The following ATXN1 variants were observed in gnomAD, a reference collection of about 807,000 sequenced individuals.
The protein encoded by ATXN1 is ataxin 1, also known as ataxin-1.
ATXN1 carries 8 observed loss-of-function variants against 56.4 expected under a neutral mutation model. That is an observed-to-expected ratio of 0.14 (90% confidence interval 0.08 to 0.26). ATXN1 has a LOEUF of 0.26. Ranked by LOEUF, ATXN1 falls within the 10% of genes least tolerant of loss-of-function variation. The pLI is 1.00. For missense variants in ATXN1, 987 were observed against 1,106.5 expected (o/e 0.89, Z 1.53); for synonymous variants, 514 against 494.6 (o/e 1.04, Z -0.52).
chr6:16,449,334 T>C (rs897154656), intron 6 of ATXN1, among the ~76,000 whole-genome samples: 12 of 152,126 alleles, frequency 7.9e-5, no homozygotes, highest in African/African-American at 2.9e-4. Flanking sequence ...TGTAATAAAA[T>C]TAAATTATTG....
intron 6 of ATXN1, among the ~76,000 whole-genome samples, chr6:16,331,320 T>C (rs1160282629): frequency 2.0e-5 from 3 of 152,204 alleles, no homozygotes; most frequent in Admixed American, 2.0e-4. Context: ...TTTTTGTAAG[T>C]GACAAATAAC....
At chr6:16,350,486 T>C (rs1395603501) in intron 6 of ATXN1, among the ~76,000 whole-genome samples, 1 of 152,266 alleles carries the variant, frequency 6.6e-6, no homozygotes, top group African/African-American at 2.4e-5. Flanking sequence ...TCTCCAAGCA[T>C]AGGCCAGAGC....
At chr6:16,634,444 A>G (rs113692259) in intron 3 of ATXN1, among the ~76,000 whole-genome samples, 1 of 146,902 alleles carries the variant, frequency 6.8e-6, no homozygotes, top group African/African-American at 2.6e-5. Flanking sequence ...TTAAGATTTA[A>G]TTTACATATA....
At chr6:16,325,166 G>A (rs182076167) in intron 7 of ATXN1, among the ~76,000 whole-genome samples, 2 of 150,980 alleles carry the variant, frequency 1.3e-5, no homozygotes, top group African/African-American at 4.9e-5. Context: ...GTCCAAGGCT[G>A]GAGTGCAGTG....
chr6:16,388,904 A>G (rs554647298), intron 6 of ATXN1, among the ~76,000 whole-genome samples: 50 of 152,340 alleles, frequency 3.3e-4, no homozygotes, highest in African/African-American at 1.2e-3. Context: ...ATATATAATT[A>G]TCATTATTTA....
intron 6 of ATXN1, among the ~76,000 whole-genome samples, chr6:16,425,166 A>G (rs1759123942): frequency 6.6e-6 from 1 of 152,234 alleles, no homozygotes; most frequent in African/African-American, 2.4e-5. Context: ...AGATTCTGTG[A>G]AACAGAGCAC....
intron 4 of ATXN1, among the ~76,000 whole-genome samples, chr6:16,543,902 G>A (rs1282771206): frequency 6.6e-6 from 1 of 152,044 alleles, no homozygotes; most frequent in Non-Finnish European, 1.5e-5. Flanking sequence ...TTGTCACTTC[G>A]AACCTAAAGA....
chr6:16,634,715 T>C (rs1263151696), intron 3 of ATXN1, among the ~76,000 whole-genome samples: 1 of 152,218 alleles, frequency 6.6e-6, no homozygotes, highest in African/African-American at 2.4e-5. Context: ...GGTTCATCTA[T>C]GTTGTAGCAT....
intron 5 of ATXN1, among the ~76,000 whole-genome samples, chr6:16,504,763 CAT>C (rs962308020): frequency 6.6e-6 from 1 of 152,162 alleles, no homozygotes; most frequent in African/African-American, 2.4e-5. Context: ...AGACTCCCCT[CAT>C]GTGTAAAATA....
At chr6:16,323,316 C>T (rs950695484) in intron 7 of ATXN1, among the ~76,000 whole-genome samples, 2 of 151,892 alleles carry the variant, frequency 1.3e-5, no homozygotes, top group Non-Finnish European at 1.5e-5. Flanking sequence ...GTCAGGAGTT[C>T]GAGACCAGCC....
intron 2 of ATXN1, among the ~76,000 whole-genome samples, chr6:16,677,113 T>C (rs1581356045): frequency 6.6e-6 from 1 of 151,996 alleles, no homozygotes; most frequent in African/African-American, 2.4e-5. Flanking sequence ...GAGGTTGTCC[T>C]TGTCCTTAAA....
intron 6 of ATXN1, among the ~76,000 whole-genome samples, chr6:16,418,770 G>A (rs969551915): frequency 7.7e-6 from 1 of 130,546 alleles, no homozygotes; most frequent in African/African-American, 3.0e-5. Flanking sequence ...CTGTGTCCAT[G>A]TGTTCTCATT....
chr6:16,429,425 G>GTTTTTTT (rs3072201), intron 6 of ATXN1, among the ~76,000 whole-genome samples: 1 of 105,982 alleles, frequency 9.4e-6, no homozygotes, highest in African/African-American at 3.7e-5. Context: ...TTTTTTGTTC[G>GTTTTTTT]TTTTTTTTTT....
intron 5 of ATXN1, among the ~76,000 whole-genome samples, chr6:16,511,126 GTA>G (rs556873801): frequency 2.6e-4 from 39 of 152,110 alleles, no homozygotes; most frequent in African/African-American, 9.4e-4. Flanking sequence ...TTCCCACGTG[GTA>G]GATGAATCTT....
intron 2 of ATXN1, among the ~76,000 whole-genome samples, chr6:16,672,380 A>C (rs912975294): frequency 9.9e-5 from 15 of 152,226 alleles, no homozygotes; most frequent in Admixed American, 5.2e-4. Flanking sequence ...TTCTTTTGCT[A>C]CATCTAGCTC....
intron 7 of ATXN1, among the ~76,000 whole-genome samples, chr6:16,308,598 G>A (rs151108294): frequency 2.1e-3 from 323 of 152,256 alleles, no homozygotes; most frequent in African/African-American, 7.3e-3. Context: ...CCAAAGCACT[G>A]TCCCTTAGAG....
At chr6:16,689,659 T>A (rs1260109594) in intron 2 of ATXN1, among the ~76,000 whole-genome samples, 7 of 152,106 alleles carry the variant, frequency 4.6e-5, no homozygotes, top group Non-Finnish European at 8.8e-5. Flanking sequence ...TAGTTATGGG[T>A]TATAATGTGA....
At chr6:16,430,435 G>A (rs1759256052) in intron 6 of ATXN1, among the ~76,000 whole-genome samples, 1 of 152,032 alleles carries the variant, frequency 6.6e-6, no homozygotes, top group Non-Finnish European at 1.5e-5. Context: ...GTTATTATGA[G>A]TAATTAGCAC....
chr6:16,522,122 C>T (rs1761305321), intron 5 of ATXN1, among the ~76,000 whole-genome samples: 1 of 152,206 alleles, frequency 6.6e-6, no homozygotes, highest in South Asian at 2.1e-4. Context: ...AGCTCTGCTA[C>T]TCTCCATGAA....
Sources: gnomAD v4.1 joint callset for allele counts (sites outside exome capture counted in the v4.1 genomes callset) on GRCh38, gnomAD v4.1.1 for gene constraint, MANE v1.5 for transcripts, NCBI Gene and HGNC (gene_info 2026-07-23, HGNC 2026-07-21) for gene names.